Variants in DSE observed in about 807,000 individuals in gnomAD.
The protein encoded by DSE is dermatan sulfate epimerase.
Under a neutral mutation model 84.4 loss-of-function variants are expected in DSE, and 36 were observed. The observed-to-expected ratio is 0.43, with a 90% confidence interval of 0.33 to 0.56. The LOEUF (loss-of-function observed/expected upper bound fraction) is 0.56, where lower values mean the gene tolerates loss of function less well. Ranked by LOEUF, DSE falls within the 20% of genes least tolerant of loss-of-function variation. The pLI is 0.06. For missense variants in DSE, 862 were observed against 1,169.6 expected, an observed-to-expected ratio of 0.74 and a Z score of 3.84; for synonymous variants, 410 against 430.1, an observed-to-expected ratio of 0.95 and a Z score of 0.58.
chr6:116,291,738 C>G (rs1774291414), intron 2 of DSE, among the ~76,000 whole-genome samples: 1 of 151,890 alleles, frequency 6.6e-6, no homozygotes, highest in Admixed American at 6.6e-5. Context: ...GCTGGGATAT[C>G]AGTTGTGAAG....
At chr6:116,379,782 A>G (rs935641066) in intron 1 of DSE, among the ~76,000 whole-genome samples, 1 of 152,166 alleles carries the variant, frequency 6.6e-6, no homozygotes, top group Non-Finnish European at 1.5e-5. Context: ...TGTCATTTGA[A>G]TGTCTGCTGT....
intron 1 of DSE, among the ~76,000 whole-genome samples, chr6:116,397,207 C>CTTT (rs11296951): frequency 2.9e-4 from 31 of 105,116 alleles, no homozygotes; most frequent in Non-Finnish European, 4.0e-4. Flanking sequence ...CTCTTTCTTT[C>CTTT]TTTTTTTTTT....
intron 2 of DSE, among the ~76,000 whole-genome samples, chr6:116,291,592 A>G (rs969368985): frequency 6.6e-6 from 1 of 150,958 alleles, no homozygotes; most frequent in South Asian, 2.1e-4. Flanking sequence ...AAATATAATT[A>G]TATATATACA....
chr6:116,282,239 G>T (rs182823977), intron 2 of DSE, among the ~76,000 whole-genome samples: 1 of 152,304 alleles, frequency 6.6e-6, no homozygotes, highest in East Asian at 1.9e-4. Context: ...AAATAAAAAG[G>T]AATATTGGAA....
chr6:116,375,323 CTG>C (rs3836986), intron 1 of DSE, among the ~76,000 whole-genome samples: 22,527 of 152,082 alleles, frequency 0.15, 2,787 homozygotes, highest in East Asian at 0.63. Flanking sequence ...AAAAATTAAA[CTG>C]TTCATTAATT....
In DSE at chr6:116,433,500, A is replaced by G; in HGVS notation, c.1068A>G (p.Gly356=). 1 of 1,570,002 alleles carries G rather than the reference A, an allele frequency of 6.4e-7. No homozygotes were observed. The highest frequency in any genetic ancestry group is 8.7e-7 in the Non-Finnish European group (1 of 1,155,822). Reference sequence around the variant, plus strand: ...GGAACCGTGTGGTGGAAGGTCCAGGAACACCATCCAAAGGGCAGCGCTGGT... The same window carrying G: ...GGAACCGTGTGGTGGAAGGTCCAGGGACACCATCCAAAGGGCAGCGCTGGT... The part of the protein sequence containing the change: ...IRRNRVVEGP[G]TPSKGQRWCT... The change falls in exon 5 of 6, where the codon GGA becomes GGG. Residue 356 remains glycine (G), a synonymous_variant. Transcript: ENST00000644252.
At chr6:116,304,415 A>T (rs1340570430) in intron 2 of DSE, among the ~76,000 whole-genome samples, 1 of 152,164 alleles carries the variant, frequency 6.6e-6, no homozygotes, top group Admixed American at 6.5e-5. Flanking sequence ...GAATGCATTT[A>T]CCGTGAATAA....
intron 1 of DSE, among the ~76,000 whole-genome samples, chr6:116,375,135 G>A (rs1779841636): frequency 6.6e-6 from 1 of 152,114 alleles, no homozygotes; most frequent in South Asian, 2.1e-4. Context: ...TACTGAAAAG[G>A]AAAATTATTT....
chr6:116,412,233 T>C (rs1364374465), intron 2 of DSE, among the ~76,000 whole-genome samples: 1 of 152,096 alleles, frequency 6.6e-6, no homozygotes, highest in Non-Finnish European at 1.5e-5. Flanking sequence ...AACAAAATTG[T>C]TTTGGAGGTC....
intron 2 of DSE, among the ~76,000 whole-genome samples, chr6:116,347,828 A>G (rs1267484571): frequency 6.6e-6 from 1 of 152,252 alleles, no homozygotes; most frequent in Non-Finnish European, 1.5e-5. Context: ...TCTGCACAGC[A>G]AAAGAAACTA....
intron 2 of DSE, among the ~76,000 whole-genome samples, chr6:116,295,020 C>T (rs543665934): frequency 1.3e-5 from 2 of 152,126 alleles, no homozygotes; most frequent in African/African-American, 4.8e-5. Flanking sequence ...AGACTGCCCA[C>T]GGTGGGGTGG....
chr6:116,331,378 G>GT (rs1336493181), intron 2 of DSE, among the ~76,000 whole-genome samples: 3 of 152,146 alleles, frequency 2.0e-5, no homozygotes, highest in Non-Finnish European at 2.9e-5. Context: ...TCTTCACATG[G>GT]TGACAGCAAG....
chr6:116,291,497 A>G (rs1020946199), intron 2 of DSE, among the ~76,000 whole-genome samples: 2 of 151,826 alleles, frequency 1.3e-5, no homozygotes, highest in Non-Finnish European at 2.9e-5. Flanking sequence ...AGATAGGGAG[A>G]TTAGTTGGGG....
Position 116,399,093 on chromosome 6 carries a change from C to T in DSE, c.-53-105C>T, listed in dbSNP as rs1262316439. The T allele has an allele frequency of 1.1e-5, 10 of 928,556 alleles. No homozygotes were observed. In the Admixed American group the frequency reaches 3.0e-4, roughly 28 times the overall value. 57.5% of individuals were successfully genotyped at this position (928,556 alleles called of 1,614,324 possible). On this transcript the variant is annotated intron_variant, in intron 1 of 5. Transcript: ENST00000644252. ...TGTTGTATTTTTAAAAATCTAAATT[C>T]ATAAGCTTTATTTTCACATATGGTT...
intron 2 of DSE, among the ~76,000 whole-genome samples, chr6:116,263,253 G>T (rs549065761): frequency 5.3e-5 from 8 of 152,258 alleles, no homozygotes; most frequent in Admixed American, 1.3e-4. Context: ...ACGTCTCTTT[G>T]AAGGGATCTA....
Position 116,435,940 on chromosome 6 carries a change from C to G in DSE, c.1472C>G (p.Ser491Ter), listed in dbSNP as rs780344963. The G allele has an allele frequency of 6.2e-7, 1 of 1,614,134 alleles. No homozygotes were observed. ...NNVLMFSPAV[S>*]KSCFSPWVGQ... ...GTTTTGATGTTTTCCCCAGCTGTGT[C>G]AAAGAGCTGCTTTTCTCCCTGGGTG... Residue 491 changes from serine (S) to a stop codon, truncating the protein, a stop_gained, in exon 6 of 6, where the codon TCA (serine) becomes TGA (stop). Transcript: ENST00000644252. LOFTEE classifies it high-confidence loss of function.
intron 2 of DSE, among the ~76,000 whole-genome samples, chr6:116,426,106 G>A (rs1436131166): frequency 2.0e-5 from 3 of 152,136 alleles, no homozygotes; most frequent in Non-Finnish European, 4.4e-5. Context: ...CAGTACCTTC[G>A]CATTGACCAG....
At chr6:116,365,164 G>A (rs1403934417) in intron 2 of DSE, among the ~76,000 whole-genome samples, 1 of 151,568 alleles carries the variant, frequency 6.6e-6, no homozygotes, top group African/African-American at 2.4e-5. Flanking sequence ...ATAAAACAGT[G>A]GTTCCAAACT....
chr6:116,279,115 A>G (rs1760643442), intron 2 of DSE: 1 of 1,614,116 alleles, frequency 6.2e-7, no homozygotes, highest in Non-Finnish European at 8.5e-7. Flanking sequence ...CACAGTGTCC[A>G]GTTCCAGCTG....
Sources: gnomAD v4.1 joint callset for allele counts (sites outside exome capture counted in the v4.1 genomes callset) on GRCh38, gnomAD v4.1.1 for gene constraint, MANE v1.5 for transcripts, NCBI Gene and HGNC (gene_info 2026-07-23, HGNC 2026-07-21) for gene names.